Variants in TLL1 observed in about 807,000 individuals in gnomAD.
TLL1 encodes tolloid-like protein 1.
A neutral mutation model predicts 128.2 loss-of-function variants in TLL1; 49 were observed. The ratio of observed to expected loss-of-function variants is 0.38; its 90% confidence interval spans 0.30 to 0.48. The LOEUF (loss-of-function observed/expected upper bound fraction) is 0.48, where lower values mean the gene tolerates loss of function less well. Ranked by LOEUF, TLL1 falls within the 20% of genes least tolerant of loss-of-function variation. The probability of loss-of-function intolerance (pLI) is 0.96; values close to 1 mark genes in which losing one functional copy is unlikely to be tolerated. For missense variants in TLL1, 1,123 were observed against 1,242.0 expected, an observed-to-expected ratio of 0.90 and a Z score of 1.44; for synonymous variants, 454 against 418.8, an observed-to-expected ratio of 1.08 and a Z score of -1.03.
rs75357945 is a variant in TLL1, at chr4:166,014,493, A to G, written c.975A>G (p.Ala325=). 54 of 1,612,546 alleles carry G rather than the reference A, an allele frequency of 3.3e-5. No individual in the cohort carries two copies. The highest frequency in any genetic ancestry group is 4.3e-5 in the Non-Finnish European group (51 of 1,178,910). ...PSRDDNGIRP[A]IGQRTRLSKG... ...GTGATGATAATGGCATACGTCCTGC[A>G]ATTGGTCAGCGAACCCGTCTAAGCA... The change falls in exon 8 of 21, where the codon GCA becomes GCG. Residue 325 remains alanine, a synonymous_variant. Coordinates refer to ENST00000061240, the MANE Select transcript of TLL1 (RefSeq NM_012464.5).
intron 1 of TLL1, among the ~76,000 whole-genome samples, chr4:165,973,718 T>G (rs1306912730): frequency 6.6e-6 from 1 of 151,196 alleles, no homozygotes; most frequent in Middle Eastern, 3.2e-3. Flanking sequence ...AACACTGGAG[T>G]GCAGTGGTAC....
At chr4:166,085,065 T>A (rs1741446086) in intron 18 of TLL1, among the ~76,000 whole-genome samples, 1 of 152,076 alleles carries the variant, frequency 6.6e-6, no homozygotes, top group Admixed American at 6.6e-5. Context: ...GTTTTATTGA[T>A]TTCTTTTTCA....
At chr4:165,885,236 T>C (rs773259309) in intron 1 of TLL1, among the ~76,000 whole-genome samples, 6 of 152,144 alleles carry the variant, frequency 3.9e-5, no homozygotes, top group Non-Finnish European at 8.8e-5. Flanking sequence ...TTGGTTTTCC[T>C]GGGCCTCAGC....
intron 18 of TLL1, 142 bp from the exon 19 acceptor site, chr4:166,090,986 C>T: frequency 2.3e-6 from 1 of 440,614 alleles, no homozygotes; most frequent in Non-Finnish European, 3.6e-6. Context: ...TTGATTTCAC[C>T]TTTCTTAATT....
At chr4:166,011,385 T>G (rs981129468) in intron 7 of TLL1, among the ~76,000 whole-genome samples, 11 of 151,596 alleles carry the variant, frequency 7.3e-5, no homozygotes, top group Admixed American at 2.6e-4. Context: ...TTTCTAAGGT[T>G]TTTTTTATGC....
chr4:165,984,484 T>C (rs1410272799), intron 1 of TLL1, among the ~76,000 whole-genome samples: 2 of 151,970 alleles, frequency 1.3e-5, no homozygotes, highest in Non-Finnish European at 2.9e-5. Context: ...CACTGTTGCC[T>C]TTGTCTGAGA....
At chr4:166,094,263 A>G (rs1741918225) in intron 19 of TLL1, among the ~76,000 whole-genome samples, 1 of 152,180 alleles carries the variant, frequency 6.6e-6, no homozygotes, top group Non-Finnish European at 1.5e-5. Flanking sequence ...AATAGTGTCA[A>G]AGCCTGGATT....
chr4:166,006,440 C>T (rs1454431997), intron 6 of TLL1, among the ~76,000 whole-genome samples: 1 of 151,684 alleles, frequency 6.6e-6, no homozygotes, highest in Non-Finnish European at 1.5e-5. Flanking sequence ...GCGTAATGTT[C>T]TACTTTCAGA....
chr4:166,023,451 T>G (rs1383375901), intron 8 of TLL1, among the ~76,000 whole-genome samples: 1 of 152,170 alleles, frequency 6.6e-6, no homozygotes, highest in Non-Finnish European at 1.5e-5. Context: ...TTGCTGTCAA[T>G]GAACAGTCTA....
chr4:166,075,941 A>G (rs1741002257), intron 17 of TLL1, among the ~76,000 whole-genome samples: 2 of 152,208 alleles, frequency 1.3e-5, no homozygotes, highest in Non-Finnish European at 2.9e-5. Flanking sequence ...GTGCAGAATC[A>G]TATACAAACA....
rs1668379988 is a variant in TLL1, at chr4:166,104,313, AACTT to A, written c.*3443_*3446del. On this transcript the variant is annotated 3_prime_UTR_variant, in exon 21 of 21. Transcript: ENST00000061240. ...GGACTGCAACCCTATGTGACATTATAACTTACTTAAAACAGTTATCAAATATTTG... is the reference window on the plus strand; with the variant it reads ...GGACTGCAACCCTATGTGACATTATAACTTAAAACAGTTATCAAATATTTG... 6.6e-6 allele frequency among the ~76,000 whole-genome samples: 1 copy of A among 151,972 alleles called. No individual in the cohort carries two copies. Among genetic ancestry groups the A allele is most frequent in the Non-Finnish European group, 1.5e-5 (1 of 67,924 alleles).
chr4:166,050,898 T>A (rs1039070592), intron 12 of TLL1, among the ~76,000 whole-genome samples: 1 of 152,234 alleles, frequency 6.6e-6, no homozygotes, highest in Non-Finnish European at 1.5e-5. Context: ...GTACTATGAA[T>A]CCCTTCTGAC....
chr4:166,093,720 C>A lies in TLL1; in HGVS notation c.2656+2379C>A, dbSNP rs143033002. Among the ~76,000 whole-genome samples the A allele has an allele frequency of 3.2e-3, 482 of 152,228 alleles. 11 individuals carry two copies. In the East Asian group the frequency reaches 0.061, roughly 19 times the overall value. ...TTTCAGACTATCACATGGGGAGAAA[C>A]CTTGGACAATACCCGGCTTTCCAAG... On this transcript the variant is annotated intron_variant, in intron 19 of 20. Transcript: ENST00000061240.
chr4:165,998,028 T>A (rs555048790), intron 5 of TLL1, among the ~76,000 whole-genome samples: 2 of 152,322 alleles, frequency 1.3e-5, no homozygotes, highest in Middle Eastern at 3.4e-3. Flanking sequence ...CATCAGACTT[T>A]CTCAGCTACT....
At position 165,937,907 on chromosome 4, in the gene TLL1, T is replaced by G. The variant is rs181757016; in HGVS notation, c.170-51474T>G. Reference sequence around the variant, plus strand: ...CAAAGAAAATTATTTCTTTTTTCTTTTATATGTCATATGCTCCTTTTATCT... The same window carrying G: ...CAAAGAAAATTATTTCTTTTTTCTTGTATATGTCATATGCTCCTTTTATCT... On this transcript the variant is annotated intron_variant, in intron 1 of 20. Transcript: ENST00000061240. 4.0e-5 allele frequency among the ~76,000 whole-genome samples: 6 copies of G among 148,310 alleles called. No individual in the cohort carries two copies. In the East Asian group the frequency reaches 1.0e-3, roughly 25 times the overall value.
chr4:166,008,904 CT>C, intron 7 of TLL1, among the ~76,000 whole-genome samples: 1 of 151,052 alleles, frequency 6.6e-6, no homozygotes. Context: ...TATTAAGCTG[CT>C]TTTATAAAAC....
Position 166,043,407 on chromosome 4 carries a change from T to C in TLL1, c.1512T>C (p.Phe504=). ...VSESYHVGLT[F]QSFEIERHDN... is the part of the protein sequence containing the mutation. ...AGAGCTACCACGTCGGGCTGACCTTTCAGTCCTTTGAGGTAAAGTCTTTTA... is the reference window on the plus strand; with the variant it reads ...AGAGCTACCACGTCGGGCTGACCTTCCAGTCCTTTGAGGTAAAGTCTTTTA... The change falls in exon 12 of 21, where the codon TTT becomes TTC. Residue 504 remains phenylalanine (F), a synonymous_variant. Coordinates refer to ENST00000061240, the MANE Select transcript of TLL1 (RefSeq NM_012464.5). The C allele has an allele frequency of 1.2e-6, 2 of 1,614,140 alleles. No homozygotes were observed. The highest frequency in any genetic ancestry group is 1.3e-5 in the African/African-American group (1 of 75,064).
intron 9 of TLL1, among the ~76,000 whole-genome samples, chr4:166,036,097 A>G (rs748850409): frequency 3.4e-4 from 51 of 152,126 alleles, no homozygotes; most frequent in Non-Finnish European, 6.5e-4. Flanking sequence ...TATTACGCTA[A>G]TTGGCTTTTT....
At chr4:165,932,833 T>A (rs1420355022) in intron 1 of TLL1, among the ~76,000 whole-genome samples, 1 of 152,062 alleles carries the variant, frequency 6.6e-6, no homozygotes, top group Admixed American at 6.6e-5. Flanking sequence ...ATAAACTTGC[T>A]GAACTGTGGA....
Sources: allele counts gnomAD v4.1 joint callset (sites outside exome capture counted in the v4.1 genomes callset), GRCh38; gene constraint gnomAD v4.1.1; transcripts MANE v1.5; gene names NCBI Gene and HGNC (gene_info 2026-07-23, HGNC 2026-07-21).